The following CADM2 variants were observed in gnomAD, a reference collection of about 807,000 sequenced individuals.
The protein encoded by CADM2 is cell adhesion molecule 2.
Under a neutral mutation model 49.8 loss-of-function variants are expected in CADM2, and 12 were observed. That is an observed-to-expected ratio of 0.24 (90% CI 0.15 to 0.39). CADM2 has a LOEUF of 0.39. Among genes scored for constraint, CADM2 ranks in the 10% least tolerant of loss-of-function variants. CADM2 has a pLI of 1.00. For missense variants in CADM2, 378 were observed against 492.3 expected (o/e 0.77, Z 2.20); for synonymous variants, 214 against 175.4 (o/e 1.22, Z -1.74).
chr3:85,373,597 T>C (rs1428976216), intron 1 of CADM2, among the ~76,000 whole-genome samples: 1 of 152,194 alleles, frequency 6.6e-6, no homozygotes, highest in Non-Finnish European at 1.5e-5. Context: ...CCCCACATTT[T>C]CCTTCCAAAA....
At chr3:85,244,644 ACAATT>A (rs1197796021) in intron 1 of CADM2, among the ~76,000 whole-genome samples, 1 of 152,180 alleles carries the variant, frequency 6.6e-6, no homozygotes, top group Non-Finnish European at 1.5e-5. Context: ...ATCTTCAGAT[ACAATT>A]CAATTCCTCT....
At chr3:85,619,661 A>G (rs1299509433) in intron 1 of CADM2, among the ~76,000 whole-genome samples, 1 of 152,198 alleles carries the variant, frequency 6.6e-6, no homozygotes, top group Admixed American at 6.6e-5. Flanking sequence ...GGATTAAGAT[A>G]TTCTGAGAAT....
At chr3:85,330,793 C>A (rs1264608052) in intron 1 of CADM2, among the ~76,000 whole-genome samples, 268 of 112,866 alleles carry the variant, frequency 2.4e-3, no homozygotes, top group Middle Eastern at 4.5e-3. Context: ...TCCATCTCTC[C>A]AAAAAAAAAA....
At chr3:85,774,909 C>CT (rs1484894647) in intron 2 of CADM2, among the ~76,000 whole-genome samples, 13 of 151,654 alleles carry the variant, frequency 8.6e-5, no homozygotes, top group African/African-American at 3.1e-4. Flanking sequence ...TCATGATACA[C>CT]ATGTATATAG....
Position 85,170,646 on chromosome 3 carries a change from T to G in CADM2, c.61+210978T>G, listed in dbSNP as rs967560231. Among the ~76,000 whole-genome samples, 11 of 152,300 alleles carry G rather than the reference T, an allele frequency of 7.2e-5. No individual in the cohort carries two copies. The South Asian group carries it at 1.9e-3, about 26-fold the overall frequency. On this transcript the variant is annotated intron_variant, in intron 1 of 9. Coordinates refer to ENST00000383699, the MANE Select transcript of CADM2 (RefSeq NM_001167675.2). Reference sequence around the variant, plus strand: ...TCGTGCAGGCCTGTTTTTAACATTTTAAAAATAAAATTCTTCATGGCTTTT... The same window carrying G: ...TCGTGCAGGCCTGTTTTTAACATTTGAAAAATAAAATTCTTCATGGCTTTT...
chr3:85,138,487 G>T (rs1281778803), intron 1 of CADM2, among the ~76,000 whole-genome samples: 1 of 152,088 alleles, frequency 6.6e-6, no homozygotes, highest in Non-Finnish European at 1.5e-5. Flanking sequence ...ATTGGGCAAA[G>T]ATATAAAGTA....
At chr3:85,025,806 T>A (rs1222459496) in intron 1 of CADM2, among the ~76,000 whole-genome samples, 1 of 151,610 alleles carries the variant, frequency 6.6e-6, no homozygotes, top group Non-Finnish European at 1.5e-5. Flanking sequence ...TTTCGCTATA[T>A]CATGTTTCAA....
At chr3:85,235,748 A>T (rs1474646003) in intron 1 of CADM2, among the ~76,000 whole-genome samples, 1 of 152,030 alleles carries the variant, frequency 6.6e-6, no homozygotes, top group Non-Finnish European at 1.5e-5. Flanking sequence ...ATGTCCTCTT[A>T]TAGATTTGTC....
intron 1 of CADM2, among the ~76,000 whole-genome samples, chr3:85,497,288 T>G (rs2107657889): frequency 6.6e-6 from 1 of 152,304 alleles, no homozygotes; most frequent in South Asian, 2.1e-4. Flanking sequence ...TTCTTTTATC[T>G]GATACAAGAA....
intron 1 of CADM2, among the ~76,000 whole-genome samples, chr3:85,347,640 C>CGT (rs1553711909): frequency 5.3e-5 from 3 of 57,020 alleles, no homozygotes; most frequent in Admixed American, 2.3e-4. Flanking sequence ...AATATATATA[C>CGT]ATATATATAT....
intron 1 of CADM2, among the ~76,000 whole-genome samples, chr3:85,189,050 T>G (rs1241241600): frequency 7.9e-6 from 1 of 126,424 alleles, no homozygotes; most frequent in Non-Finnish European, 1.7e-5. Context: ...ATAATAGTAA[T>G]AATAAATAAA....
intron 1 of CADM2, among the ~76,000 whole-genome samples, chr3:85,225,965 T>A (rs536946439): frequency 2.0e-5 from 3 of 152,234 alleles, no homozygotes; most frequent in Non-Finnish European, 2.9e-5. Context: ...TTCATCGTGG[T>A]GGATAAGCTT....
chr3:85,941,994 T>C (rs558855148), intron 7 of CADM2, among the ~76,000 whole-genome samples: 1 of 152,244 alleles, frequency 6.6e-6, no homozygotes, highest in South Asian at 2.1e-4. Flanking sequence ...GAAAAATAAG[T>C]CTTGTTCAAG....
At chr3:85,477,241 T>TAA (rs1186792755) in intron 1 of CADM2, among the ~76,000 whole-genome samples, 4 of 47,270 alleles carry the variant, frequency 8.5e-5, no homozygotes, top group African/African-American at 1.4e-4. Flanking sequence ...CTGATTCCCT[T>TAA]AAACACACAC....
At chr3:85,911,598 C>T (rs1448825680) in intron 5 of CADM2, among the ~76,000 whole-genome samples, 7 of 152,206 alleles carry the variant, frequency 4.6e-5, no homozygotes, top group Non-Finnish European at 1.0e-4. Context: ...TATCCTTTAG[C>T]AATTTATGTT....
chr3:85,221,002 T>G (rs2042032801), intron 1 of CADM2, among the ~76,000 whole-genome samples: 1 of 152,248 alleles, frequency 6.6e-6, no homozygotes, highest in South Asian at 2.1e-4. Flanking sequence ...TCTTTAAGAG[T>G]GGATGAATCA....
At chr3:85,180,396 C>T (rs2107702821) in intron 1 of CADM2, among the ~76,000 whole-genome samples, 1 of 151,148 alleles carries the variant, frequency 6.6e-6, no homozygotes, top group Admixed American at 6.6e-5. Context: ...GTAATCCCAG[C>T]TAATTGGGAG....
chr3:86,035,463 C>T (rs1490807598), intron 8 of CADM2, among the ~76,000 whole-genome samples: 6 of 151,944 alleles, frequency 3.9e-5, no homozygotes, highest in Non-Finnish European at 7.4e-5. Flanking sequence ...TCTGAGATCA[C>T]GTTTTTCACC....
chr3:85,763,002 A>G (rs1353745949), intron 2 of CADM2, among the ~76,000 whole-genome samples: 2 of 152,010 alleles, frequency 1.3e-5, no homozygotes, highest in African/African-American at 4.8e-5. Context: ...CTAATTTCTC[A>G]TTATTACAAC....
Sources: gnomAD v4.1 joint callset for allele counts (sites outside exome capture counted in the v4.1 genomes callset) on GRCh38, gnomAD v4.1.1 for gene constraint, MANE v1.5 for transcripts, NCBI Gene and HGNC (gene_info 2026-07-23, HGNC 2026-07-21) for gene names.